Variants in RBM27 observed in about 807,000 individuals in gnomAD.
The protein encoded by RBM27 is RNA-binding protein 27.
Under a neutral mutation model 135.3 loss-of-function variants are expected in RBM27, and 22 were observed. The ratio of observed to expected loss-of-function variants is 0.16; its 90% CI spans 0.12 to 0.23. The LOEUF is 0.23. Ranked by LOEUF, RBM27 falls within the 10% of genes least tolerant of loss-of-function variation. The pLI is 1.00. For synonymous variants in RBM27, 481 were observed against 442.4 expected (o/e 1.09, Z -1.10); for missense variants, 1,009 against 1,281.0 (o/e 0.79, Z 3.24).
At chr5:146,258,108 C>T (rs571238882) in intron 10 of RBM27, among the ~76,000 whole-genome samples, 4 of 152,138 alleles carry the variant, frequency 2.6e-5, no homozygotes, top group East Asian at 1.9e-4. Flanking sequence ...CGTGAGCCAC[C>T]GTGCCTGGCC....
At chr5:146,285,665 T>C (rs1191364659) in intron 20 of RBM27, among the ~76,000 whole-genome samples, 1 of 152,144 alleles carries the variant, frequency 6.6e-6, no homozygotes, top group Non-Finnish European at 1.5e-5. Flanking sequence ...TCATAGTCTT[T>C]TTTAAATTTT....
Position 146,237,433 on chromosome 5 carries a change from G to A in RBM27, c.1279+1G>A, listed in dbSNP as rs887659316. On this transcript the variant is annotated splice_donor_variant, in intron 8 of 20. Transcript: ENST00000265271. LOFTEE classifies it high-confidence loss of function. The stretch of plus-strand genomic sequence containing the variant: ...AACCTCCTTTACACAGTATCAGAAC[G>A]TAAGTACATGTTGTTTGACTTAAAA... 6.8e-6 allele frequency: 11 copies of A among 1,613,604 alleles called. No individual in the cohort carries two copies. The highest frequency in any genetic ancestry group is 5.3e-5 in the African/African-American group (4 of 74,892).
intron 1 of RBM27, among the ~76,000 whole-genome samples, chr5:146,210,483 C>T (rs545217525): frequency 1.3e-5 from 2 of 151,914 alleles, no homozygotes; most frequent in African/African-American, 4.8e-5. Context: ...GTTGGTGTCC[C>T]CTCAAAATTC....
At chr5:146,210,833 G>C (rs1337460761) in intron 1 of RBM27, among the ~76,000 whole-genome samples, 1 of 152,064 alleles carries the variant, frequency 6.6e-6, no homozygotes, top group African/African-American at 2.4e-5. Context: ...TGTAGTCCCA[G>C]CTACTCAGGT....
intron 1 of RBM27, among the ~76,000 whole-genome samples, chr5:146,212,342 C>T (rs1039513014): frequency 3.3e-5 from 5 of 150,244 alleles, no homozygotes; most frequent in African/African-American, 9.8e-5. Context: ...GCGTGAGCCA[C>T]CCCGCCCGGC....
intron 2 of RBM27, among the ~76,000 whole-genome samples, chr5:146,222,162 A>G (rs1015983876): frequency 1.2e-4 from 18 of 152,372 alleles, no homozygotes; most frequent in Admixed American, 2.6e-4. Context: ...GTAATAGTCA[A>G]TGAGAGCTAA....
At chr5:146,221,147 CAA>C (rs77849788) in intron 2 of RBM27, among the ~76,000 whole-genome samples, 5 of 84,058 alleles carry the variant, frequency 5.9e-5, no homozygotes, top group Non-Finnish European at 1.0e-4. Flanking sequence ...GACTCCATCT[CAA>C]AAAAAAAAAA....
intron 10 of RBM27, 83 bp downstream of exon 10, chr5:146,255,175 C>T: frequency 7.8e-7 from 1 of 1,287,120 alleles, no homozygotes; most frequent in Non-Finnish European, 1.1e-6. Flanking sequence ...TCTGGCCTAG[C>T]TTGAGGAAAT....
At chr5:146,221,756 T>G (rs1307857477) in intron 2 of RBM27, among the ~76,000 whole-genome samples, 1 of 152,170 alleles carries the variant, frequency 6.6e-6, no homozygotes, top group African/African-American at 2.4e-5. Context: ...AAATTTAATT[T>G]TAATTAATTT....
At chr5:146,213,078 A>G (rs2963931) in intron 1 of RBM27, among the ~76,000 whole-genome samples, 1 of 151,920 alleles carries the variant, frequency 6.6e-6, no homozygotes, top group Non-Finnish European at 1.5e-5. Flanking sequence ...AAGTGTAACT[A>G]CTGGTCAGAG....
intron 1 of RBM27, among the ~76,000 whole-genome samples, chr5:146,204,812 C>T (rs1323827332): frequency 6.6e-6 from 1 of 152,094 alleles, no homozygotes; most frequent in Non-Finnish European, 1.5e-5. Context: ...AATGAGAGAC[C>T]TGTCTTTTAA....
chr5:146,231,306 T>A (rs1230047326), intron 6 of RBM27, among the ~76,000 whole-genome samples: 1 of 152,154 alleles, frequency 6.6e-6, no homozygotes, highest in East Asian at 1.9e-4. Flanking sequence ...GGTTTCACCA[T>A]TTTGGTCTGG....
chr5:146,287,932 T>A lies in RBM27; in HGVS notation c.*1902T>A, dbSNP rs1276914757. On this transcript the variant is annotated 3_prime_UTR_variant, in exon 21 of 21. Coordinates refer to ENST00000265271, the MANE Select transcript of RBM27 (RefSeq NM_018989.2). ...GTCTGTGGCTCAGTCAGTATATATT[T>A]TGAAAGATTCATTGTGGTGAATATT... The A allele has an allele frequency of 6.6e-6, 1 of 152,148 alleles. No homozygotes were observed. Among genetic ancestry groups the A allele is most frequent in the African/African-American group, 2.4e-5 (1 of 41,458 alleles). The allele number at this position is 152,148 out of a possible 1,614,324, so 9.4% of individuals were successfully genotyped here.
intron 2 of RBM27, among the ~76,000 whole-genome samples, chr5:146,221,807 A>G (rs768130704): frequency 3.3e-5 from 5 of 152,222 alleles, no homozygotes; most frequent in East Asian, 1.9e-4. Flanking sequence ...AGTGGCTACT[A>G]TATTGGACAG....
intron 10 of RBM27, among the ~76,000 whole-genome samples, chr5:146,257,489 A>G (rs11952445): frequency 0.21 from 31,910 of 152,234 alleles, 4,257 homozygotes; most frequent in Admixed American, 0.33. Context: ...ATATTTTACT[A>G]CCTTTGGGCA....
At chr5:146,222,364 C>T (rs1341072506) in intron 2 of RBM27, among the ~76,000 whole-genome samples, 1 of 152,152 alleles carries the variant, frequency 6.6e-6, no homozygotes, top group African/African-American at 2.4e-5. Context: ...AGGGTAGGAC[C>T]AATCAAAGTT....
intron 8 of RBM27, among the ~76,000 whole-genome samples, chr5:146,246,056 AT>A (rs1452524230): frequency 1.3e-5 from 2 of 151,942 alleles, no homozygotes; most frequent in East Asian, 3.9e-4. Context: ...TTAAGCTTTC[AT>A]TTTTTCTTTA....
At chr5:146,248,573 C>G (rs1757734351) in intron 8 of RBM27, among the ~76,000 whole-genome samples, 1 of 152,160 alleles carries the variant, frequency 6.6e-6, no homozygotes, top group African/African-American at 2.4e-5. Flanking sequence ...TCAAGTGATT[C>G]TTGTGCCTCA....
At chr5:146,239,227 T>C (rs1175636430) in intron 8 of RBM27, among the ~76,000 whole-genome samples, 1 of 152,332 alleles carries the variant, frequency 6.6e-6, no homozygotes, top group Non-Finnish European at 1.5e-5. Context: ...CTATTTCTTC[T>C]GTGGCCTCTG....
Sources: allele counts gnomAD v4.1 joint callset (sites outside exome capture counted in the v4.1 genomes callset), GRCh38; gene constraint gnomAD v4.1.1; transcripts MANE v1.5; gene names NCBI Gene and HGNC (gene_info 2026-07-23, HGNC 2026-07-21).